Variants in EMB observed in about 807,000 individuals in gnomAD.
The protein encoded by EMB is embigin homolog.
Under a neutral mutation model 41.4 loss-of-function variants are expected in EMB, and 31 were observed. The ratio of observed to expected loss-of-function variants is 0.75; its 90% confidence interval spans 0.56 to 1.01. The LOEUF (loss-of-function observed/expected upper bound fraction) is 1.01. EMB is among the 50% of genes least tolerant of loss of function. The probability of loss-of-function intolerance (pLI) is 0.00; values close to 1 mark genes in which losing one functional copy is unlikely to be tolerated. For synonymous variants in EMB, 137 were observed against 140.4 expected, an observed-to-expected ratio of 0.98 and a Z score of 0.17; for missense variants, 379 against 388.3, an observed-to-expected ratio of 0.98 and a Z score of 0.20.
At chr5:50,439,583 C>T (rs1199954858) in intron 1 of EMB, among the ~76,000 whole-genome samples, 1 of 151,608 alleles carries the variant, frequency 6.6e-6, no homozygotes, top group Non-Finnish European at 1.5e-5. Context: ...CACCTCAGCG[C>T]CCAAAAGTGC....
chr5:50,400,745 T>C (rs16879123), intron 7 of EMB, among the ~76,000 whole-genome samples: 5,123 of 152,140 alleles, frequency 0.034, 254 homozygotes, highest in African/African-American at 0.11. Context: ...TATGGTGCTA[T>C]ACAAGATGAG....
At chr5:50,413,070 G>A (rs147230127) in intron 2 of EMB, among the ~76,000 whole-genome samples, 181 of 151,636 alleles carry the variant, frequency 1.2e-3, no homozygotes, top group African/African-American at 4.3e-3. Flanking sequence ...ACGCGCCCAC[G>A]CGCACACACA....
At chr5:50,399,431 T>C (rs1182611395) in intron 8 of EMB, 141 bp from the exon 9 acceptor site, 36 of 1,234,396 alleles carry the variant, frequency 2.9e-5, no homozygotes, top group Admixed American at 3.4e-5. Flanking sequence ...TACTCTAATG[T>C]TGATGAACTA....
intron 1 of EMB, chr5:50,428,651 AATAG>A: frequency 1.0e-6 from 1 of 986,020 alleles, no homozygotes; most frequent in Non-Finnish European, 1.2e-6. Flanking sequence ...TAAAAAAAAA[AATAG>A]ATAGCACTGG....
intron 1 of EMB, among the ~76,000 whole-genome samples, chr5:50,429,493 G>A (rs1445953607): frequency 1.3e-5 from 2 of 152,004 alleles, no homozygotes; most frequent in Admixed American, 6.6e-5. Context: ...TTAGAACATT[G>A]CTTTTACAAT....
chr5:50,415,521 G>A lies in EMB; in HGVS notation c.197-4138C>T, dbSNP rs548373278. 4.6e-5 allele frequency among the ~76,000 whole-genome samples: 7 copies of A among 152,046 alleles called. No homozygotes were observed. The South Asian group carries it at 1.5e-3, about 32-fold the overall frequency. ...CTTCTTCTCACCATTATCTCACTGG[G>A]GAATATTATAAAAACTATCATATAT... On this transcript the variant is annotated intron_variant, in intron 2 of 8. Transcript: ENST00000303221.
intron 2 of EMB, among the ~76,000 whole-genome samples, chr5:50,422,102 AAAG>A (rs970792854): frequency 1.3e-5 from 2 of 152,236 alleles, no homozygotes; most frequent in African/African-American, 4.8e-5. Context: ...GTTTTTTTAA[AAAG>A]AACAGATAAA....
At chr5:50,434,387 G>T (rs1745770492) in intron 1 of EMB, among the ~76,000 whole-genome samples, 1 of 152,182 alleles carries the variant, frequency 6.6e-6, no homozygotes, top group African/African-American at 2.4e-5. Flanking sequence ...TAGTTTAGGT[G>T]CAGACATTTT....
intron 1 of EMB, among the ~76,000 whole-genome samples, chr5:50,432,118 A>T (rs1745729310): frequency 6.6e-6 from 1 of 152,198 alleles, no homozygotes; most frequent in African/African-American, 2.4e-5. Flanking sequence ...AATAAGTAAC[A>T]CTAGAAAACT....
At chr5:50,432,603 A>G (rs1403822231) in intron 1 of EMB, among the ~76,000 whole-genome samples, 1 of 151,694 alleles carries the variant, frequency 6.6e-6, no homozygotes, top group Non-Finnish European at 1.5e-5. Context: ...ATTATACACA[A>G]CACATGGAGA....
chr5:50,425,505 C>CA (rs201529710), intron 2 of EMB, among the ~76,000 whole-genome samples: 6,147 of 149,834 alleles, frequency 0.041, 164 homozygotes, highest in South Asian at 0.085. Context: ...AGGAAAAAAA[C>CA]AAAAAAAATA....
chr5:50,425,468 T>G (rs1745594390), intron 2 of EMB, among the ~76,000 whole-genome samples: 1 of 151,816 alleles, frequency 6.6e-6, no homozygotes, highest in Non-Finnish European at 1.5e-5. Context: ...ACACACTGAT[T>G]GAGCAACTAA....
At chr5:50,422,752 T>C (rs1410734851) in intron 2 of EMB, among the ~76,000 whole-genome samples, 1 of 152,172 alleles carries the variant, frequency 6.6e-6, no homozygotes, top group Non-Finnish European at 1.5e-5. Context: ...TCGCAACTTC[T>C]ATAAAAAGTA....
chr5:50,428,873 T>C (rs1278607996), intron 1 of EMB: 1 of 270,430 alleles, frequency 3.7e-6, no homozygotes, highest in African/African-American at 2.3e-5. Context: ...GTTACTTTAT[T>C]TATTTTATTT....
chr5:50,432,545 A>G (rs1240477037), intron 1 of EMB, among the ~76,000 whole-genome samples: 2 of 152,116 alleles, frequency 1.3e-5, no homozygotes, highest in African/African-American at 4.8e-5. Flanking sequence ...AAGCCATGAT[A>G]TGGTTAAAAC....
intron 1 of EMB, among the ~76,000 whole-genome samples, chr5:50,433,600 T>C (rs72751722): frequency 0.28 from 43,272 of 152,114 alleles, 8,249 homozygotes; most frequent in Non-Finnish European, 0.4. Context: ...CAACTGAGGG[T>C]AGTTTTGCCC....
chr5:50,429,716 CAT>C (rs1356067334), intron 1 of EMB, among the ~76,000 whole-genome samples: 1 of 152,180 alleles, frequency 6.6e-6, no homozygotes, highest in South Asian at 2.1e-4. Flanking sequence ...CCTTAAATAA[CAT>C]ATTAAATCAG....
intron 1 of EMB, among the ~76,000 whole-genome samples, chr5:50,435,227 C>T (rs574659290): frequency 3.3e-5 from 5 of 152,266 alleles, no homozygotes; most frequent in African/African-American, 1.2e-4. Flanking sequence ...TGACCTGATG[C>T]TTCATGCCCC....
chr5:50,407,417 C>A (rs1178501762), intron 4 of EMB, among the ~76,000 whole-genome samples: 4 of 151,910 alleles, frequency 2.6e-5, no homozygotes, highest in Non-Finnish European at 5.9e-5. Flanking sequence ...GTTATTAAAC[C>A]ATCCCAACTA....
Sources: allele counts gnomAD v4.1 joint callset (sites outside exome capture counted in the v4.1 genomes callset), GRCh38; gene constraint gnomAD v4.1.1; transcripts MANE v1.5; gene names NCBI Gene and HGNC (gene_info 2026-07-23, HGNC 2026-07-21).